Variants in CAPRIN1 observed in about 807,000 individuals in gnomAD.
CAPRIN1 encodes the protein cell cycle associated protein 1, also known as caprin-1.
A neutral mutation model predicts 100.9 loss-of-function variants in CAPRIN1; 29 were observed. That is an observed-to-expected ratio of 0.29 (90% CI 0.21 to 0.39). CAPRIN1 has a LOEUF of 0.39. Among genes scored for constraint, CAPRIN1 ranks in the 10% least tolerant of loss-of-function variants. The pLI is 1.00. For missense variants in CAPRIN1, 795 were observed against 876.7 expected (o/e 0.91, Z 1.18); for synonymous variants, 338 against 307.5 (o/e 1.10, Z -1.04).
Position 34,102,012 on chromosome 11 carries a change from TC to T in CAPRIN1, c.*2647del. On this transcript the variant is annotated 3_prime_UTR_variant, in exon 19 of 19. Coordinates refer to ENST00000341394, the MANE Select transcript of CAPRIN1 (RefSeq NM_005898.5). ...TGATTAGGGCAGTTTTATTTCCAGA[TC>T]CTAATAATTCCTAAAAAATATGGAA... Among the ~76,000 whole-genome samples the T allele has an allele frequency of 6.6e-6, 1 of 152,342 alleles. No individual in the cohort carries two copies. The highest frequency in any genetic ancestry group is 1.5e-5 in the Non-Finnish European group (1 of 68,022).
chr11:34,054,131 A>C (rs1396908135), intron 2 of CAPRIN1, among the ~76,000 whole-genome samples: 1 of 152,138 alleles, frequency 6.6e-6, no homozygotes, highest in African/African-American at 2.4e-5. Context: ...ACATTTTGGG[A>C]GAGTTTTAAA....
chr11:34,083,394 A>T (rs1851070606), intron 9 of CAPRIN1, among the ~76,000 whole-genome samples: 1 of 152,116 alleles, frequency 6.6e-6, no homozygotes, highest in Admixed American at 6.5e-5. Context: ...CCTTTACCCT[A>T]ATGCTGTTTG....
rs745854379 is a variant in CAPRIN1, at chr11:34,086,365, A to T, written c.1183A>T (p.Met395Leu). 1 of 1,614,058 alleles carries T rather than the reference A, an allele frequency of 6.2e-7. No individual in the cohort carries two copies. The change falls in exon 11 of 19, where the codon ATG (methionine) becomes TTG (leucine). Residue 395 changes from methionine (M) to leucine (L), a missense_variant. Transcript: ENST00000341394. ...TCCTGCCATTGTATCTGCACAGCCT[A>T]TGAATCCAACACAAAACATGGACAT... is the stretch of plus-strand genomic sequence containing the variant. Reference protein sequence around the residue: ...LDPAIVSAQPMNPTQNMDMPQ... With the variant: ...LDPAIVSAQPLNPTQNMDMPQ...
chr11:34,052,573 C>G lies in CAPRIN1; in HGVS notation c.153C>G (p.Thr51=). Reference sequence around the variant, plus strand: ...CAACCGGCACCGGCGCTGTCCAGACCGAGGCCATGAAGCAGATTCTCGGGG... The same window carrying G: ...CAACCGGCACCGGCGCTGTCCAGACGGAGGCCATGAAGCAGATTCTCGGGG... The part of the protein sequence containing the change: ...HPATGTGAVQ[T]EAMKQILGVI... Residue 51 remains threonine, a synonymous_variant, in exon 2 of 19, where the codon ACC becomes ACG. Transcript: ENST00000341394. The G allele has an allele frequency of 6.2e-7, 1 of 1,610,876 alleles. No individual in the cohort carries two copies. The highest frequency in any genetic ancestry group is 8.5e-7 in the Non-Finnish European group (1 of 1,179,078).
rs981260874 is a variant in CAPRIN1, at chr11:34,079,902, A to T, written c.826+137A>T. 6.9e-6 allele frequency: 4 copies of T among 581,118 alleles called. No homozygotes were observed. In the East Asian group the frequency reaches 1.4e-4, roughly 20 times the overall value. 36.0% of individuals were successfully genotyped at this position (581,118 alleles called of 1,614,324 possible). Reference sequence around the variant, plus strand: ...TTTTTAAAGAGACTTTAAGCATGACAAAGTTTTTTTTTTTTTTTTTTTTTT... The same window carrying T: ...TTTTTAAAGAGACTTTAAGCATGACTAAGTTTTTTTTTTTTTTTTTTTTTT... On this transcript the variant is annotated intron_variant, in intron 7 of 18. Coordinates refer to ENST00000341394, the MANE Select transcript of CAPRIN1 (RefSeq NM_005898.5).
chr11:34,082,781 G>A, intron 7 of CAPRIN1, 44 bp from the exon 8 acceptor site: 1 of 1,475,808 alleles, frequency 6.8e-7, no homozygotes, highest in Non-Finnish European at 9.4e-7. Flanking sequence ...TAGTATCACT[G>A]ACCTAAAAAT....
At position 34,092,174 on chromosome 11, in the gene CAPRIN1, C is replaced by T; in HGVS notation, c.1705+118C>T. The T allele has an allele frequency of 4.7e-6, 4 of 852,882 alleles. No homozygotes were observed. In the South Asian group the frequency reaches 9.2e-5, roughly 20 times the overall value. The allele number at this position is 852,882 out of a possible 1,614,324, so 52.8% of individuals were successfully genotyped here. A position where few individuals can be genotyped will look rare whatever the true frequency, so the allele number is the denominator to read the frequency against. On this transcript the variant is annotated intron_variant, in intron 15 of 18. Coordinates refer to ENST00000341394, the MANE Select transcript of CAPRIN1 (RefSeq NM_005898.5). ...CAAGAGTTTCTGTTTTAGTAGCAGA[C>T]CATATGAATTTTTCATTTCAGATCA...
At position 34,102,160 on chromosome 11, in the gene CAPRIN1, T is replaced by TC. The variant is rs1192796834; in HGVS notation, c.*2795dup. ...ATGCAGCTCTTACGTGGGAGACTTT[T>TC]CCACTTAAAGGAGACATAGAATGTG... On this transcript the variant is annotated 3_prime_UTR_variant, in exon 19 of 19. Transcript: ENST00000341394. 6.6e-6 allele frequency among the ~76,000 whole-genome samples: 1 copy of TC among 152,240 alleles called. No individual in the cohort carries two copies. Among genetic ancestry groups the TC allele is most frequent in the Non-Finnish European group, 1.5e-5 (1 of 68,034 alleles).
intron 9 of CAPRIN1, among the ~76,000 whole-genome samples, chr11:34,083,459 A>G (rs1169462947): frequency 1.3e-5 from 2 of 152,144 alleles, no homozygotes; most frequent in African/African-American, 2.4e-5. Flanking sequence ...CTCAACTGAT[A>G]ATGATGATTT....
intron 2 of CAPRIN1, among the ~76,000 whole-genome samples, chr11:34,067,304 T>C (rs760894286): frequency 3.9e-5 from 6 of 152,166 alleles, no homozygotes; most frequent in Non-Finnish European, 7.3e-5. Context: ...TGGTCTGCTC[T>C]TTGAAAATTC....
chr11:34,089,531 C>A, intron 12 of CAPRIN1, 75 bp downstream of exon 12: 2 of 824,936 alleles, frequency 2.4e-6, no homozygotes, highest in Non-Finnish European at 2.0e-6. Context: ...CTTTAGGAGG[C>A]TGAGATGGGA....
intron 6 of CAPRIN1, among the ~76,000 whole-genome samples, chr11:34,078,085 A>G (rs1337214583): frequency 6.6e-6 from 1 of 152,226 alleles, no homozygotes; most frequent in African/African-American, 2.4e-5. Context: ...ACATCTTTAC[A>G]ATGGAAAGGT....
chr11:34,072,888 A>G (rs1485588967), intron 4 of CAPRIN1, among the ~76,000 whole-genome samples: 1 of 152,158 alleles, frequency 6.6e-6, no homozygotes, highest in Non-Finnish European at 1.5e-5. Flanking sequence ...CTGTGTTTCG[A>G]TATATAAATA....
At chr11:34,054,153 T>G (rs1262894898) in intron 2 of CAPRIN1, among the ~76,000 whole-genome samples, 1 of 152,212 alleles carries the variant, frequency 6.6e-6, no homozygotes, top group Non-Finnish European at 1.5e-5. Flanking sequence ...CATTTAGATT[T>G]GATACTTCCC....
At chr11:34,092,108 T>A in intron 15 of CAPRIN1, 52 bp downstream of exon 15, 1 of 1,588,084 alleles carries the variant, frequency 6.3e-7, no homozygotes, top group African/African-American at 1.3e-5. Context: ...GCACAGTTAT[T>A]GACAGTGTTA....
At chr11:34,098,959 G>A in intron 18 of CAPRIN1, 1 of 1,130,512 alleles carries the variant, frequency 8.8e-7, no homozygotes, top group Non-Finnish European at 1.1e-6. Context: ...CTCCATGAGA[G>A]CAGGTACCTT....
chr11:34,094,893 A>AT lies in CAPRIN1; in HGVS notation c.1706-1580dup, dbSNP rs1220819919. 1.8e-4 allele frequency among the ~76,000 whole-genome samples: 27 copies of AT among 151,744 alleles called. No individual in the cohort carries two copies. In the South Asian group the frequency reaches 5.6e-3, roughly 32 times the overall value. On this transcript the variant is annotated intron_variant, in intron 15 of 18. Coordinates refer to ENST00000341394, the MANE Select transcript of CAPRIN1 (RefSeq NM_005898.5). ...TTTCTTTCCTTTCCTTTTTCCTTTC[A>AT]TTTTTTGAGACAGAGTCTTGCTCTT...
chr11:34,097,862 T>C, intron 18 of CAPRIN1, 101 bp downstream of exon 18: 5 of 1,568,432 alleles, frequency 3.2e-6, no homozygotes, highest in Non-Finnish European at 3.5e-6. Context: ...ATTTATCCTT[T>C]CCAGACTTGT....
At chr11:34,079,846 CT>C (rs1183519746) in intron 7 of CAPRIN1, 81 bp downstream of exon 7, 1 of 1,305,700 alleles carries the variant, frequency 7.7e-7, no homozygotes, top group Admixed American at 2.4e-5. Context: ...TATACACTTA[CT>C]TAGTTTTCAT....
Sources: allele counts gnomAD v4.1 joint callset (sites outside exome capture counted in the v4.1 genomes callset), GRCh38; gene constraint gnomAD v4.1.1; transcripts MANE v1.5; gene names NCBI Gene and HGNC (gene_info 2026-07-23, HGNC 2026-07-21).